Variants in QTMAN observed in about 807,000 individuals in gnomAD.
QTMAN encodes the protein queuosine-tRNA mannosyltransferase, also known as tRNA-queuosine alpha-mannosyltransferase.
the QTMAN span, among the ~76,000 whole-genome samples, chr2:144,184,178 A>G: frequency 6.6e-6 from 1 of 152,110 alleles, no homozygotes; most frequent in Non-Finnish European, 1.5e-5. Flanking sequence ...AGTTCTTTAC[A>G]CTGAGGGAAG....
At chr2:144,221,595 T>C in the QTMAN span, among the ~76,000 whole-genome samples, 1 of 152,228 alleles carries the variant, frequency 6.6e-6, no homozygotes, top group Non-Finnish European at 1.5e-5. Context: ...CTTCAAGTTA[T>C]CTTCATTGAA....
At chr2:144,307,090 G>C in the QTMAN span, among the ~76,000 whole-genome samples, 1 of 144,636 alleles carries the variant, frequency 6.9e-6, no homozygotes, top group Non-Finnish European at 1.5e-5. Flanking sequence ...GAACCCGGAA[G>C]GCAGAGATTG....
At chr2:144,060,418 G>A in the QTMAN span, among the ~76,000 whole-genome samples, 464 of 152,072 alleles carry the variant, frequency 3.1e-3, 2 homozygotes, top group African/African-American at 0.01. Flanking sequence ...CTGGCACCAC[G>A]CCCAGCTAAT....
At chr2:144,181,102 T>TC in the QTMAN span, among the ~76,000 whole-genome samples, 1 of 152,208 alleles carries the variant, frequency 6.6e-6, no homozygotes, top group Non-Finnish European at 1.5e-5. Flanking sequence ...CAGATAGGTA[T>TC]CTGTTTGGCT....
At chr2:143,958,208 AT>A in the QTMAN span, among the ~76,000 whole-genome samples, 1 of 152,118 alleles carries the variant, frequency 6.6e-6, no homozygotes, top group Non-Finnish European at 1.5e-5. Context: ...TTCATGTGTC[AT>A]CTATAATTTC....
At chr2:144,194,383 A>G in the QTMAN span, among the ~76,000 whole-genome samples, 1 of 152,176 alleles carries the variant, frequency 6.6e-6, no homozygotes, top group African/African-American at 2.4e-5. Flanking sequence ...CCTGACTTCT[A>G]GTCCAAGGCC....
the QTMAN span, among the ~76,000 whole-genome samples, chr2:144,254,833 C>G: frequency 6.6e-6 from 1 of 152,210 alleles, no homozygotes; most frequent in African/African-American, 2.4e-5. Context: ...TCAGTGTGAC[C>G]TGGATGTGAG....
At chr2:144,111,957 C>T in the QTMAN span, among the ~76,000 whole-genome samples, 2 of 152,134 alleles carry the variant, frequency 1.3e-5, no homozygotes, top group Non-Finnish European at 2.9e-5. Flanking sequence ...AAGTATTTTA[C>T]TCGGGTTTGT....
the QTMAN span, among the ~76,000 whole-genome samples, chr2:144,288,703 T>TTA: frequency 2.0e-5 from 3 of 152,284 alleles, no homozygotes; most frequent in African/African-American, 4.8e-5. Context: ...TGAATGAGAA[T>TTA]ATCCCTGGAA....
the QTMAN span, among the ~76,000 whole-genome samples, chr2:144,063,517 A>G: frequency 6.6e-6 from 1 of 152,218 alleles, no homozygotes. Context: ...GAATTTTATC[A>G]ATGGAATTCT....
chr2:144,178,621 T>C, the QTMAN span: 5 of 153,768 alleles, frequency 3.3e-5, no homozygotes, highest in African/African-American at 1.2e-4. Flanking sequence ...AGGCTTTCCC[T>C]AGGCATCTCA....
chr2:144,115,212 C>T, the QTMAN span, among the ~76,000 whole-genome samples: 1 of 151,492 alleles, frequency 6.6e-6, no homozygotes, highest in Non-Finnish European at 1.5e-5. Context: ...GCCTGGGTGA[C>T]AGAGCGAGAC....
chr2:144,171,517 A>T, the QTMAN span, among the ~76,000 whole-genome samples: 567 of 152,284 alleles, frequency 3.7e-3, 2 homozygotes, highest in African/African-American at 0.012. Context: ...AATTACTGTA[A>T]ATGAAAATCT....
the QTMAN span, among the ~76,000 whole-genome samples, chr2:144,324,918 C>A: frequency 6.6e-6 from 1 of 150,674 alleles, no homozygotes; most frequent in Non-Finnish European, 1.5e-5. Context: ...ACAGATTATA[C>A]AATAGCTTTC....
At chr2:144,323,882 G>A in the QTMAN span, among the ~76,000 whole-genome samples, 4 of 152,186 alleles carry the variant, frequency 2.6e-5, no homozygotes, top group East Asian at 1.9e-4. Flanking sequence ...AAGGAAACCT[G>A]TGATGAAGAA....
At chr2:144,178,112 G>A in the QTMAN span, among the ~76,000 whole-genome samples, 3 of 152,090 alleles carry the variant, frequency 2.0e-5, no homozygotes, top group Non-Finnish European at 2.9e-5. Flanking sequence ...ATATTTTCAT[G>A]ACAGCGAGGA....
the QTMAN span, among the ~76,000 whole-genome samples, chr2:144,235,118 G>A: frequency 1.3e-5 from 2 of 152,146 alleles, no homozygotes; most frequent in South Asian, 4.1e-4. Context: ...ACTGATAGTT[G>A]CAGGCAAGGC....
the QTMAN span, among the ~76,000 whole-genome samples, chr2:144,139,205 T>C: frequency 2.0e-5 from 3 of 152,080 alleles, no homozygotes; most frequent in African/African-American, 7.2e-5. Context: ...AATCTCCTTA[T>C]TTATATTAGA....
chr2:144,092,410 T>C, the QTMAN span, among the ~76,000 whole-genome samples: 1 of 151,876 alleles, frequency 6.6e-6, no homozygotes, highest in Non-Finnish European at 1.5e-5. Context: ...CTCCTGACCT[T>C]GTGATCCGCC....
Sources: allele counts gnomAD v4.1 joint callset (sites outside exome capture counted in the v4.1 genomes callset), GRCh38; gene constraint gnomAD v4.1.1; transcripts MANE v1.5; gene names NCBI Gene and HGNC (gene_info 2026-07-23, HGNC 2026-07-21).